Variants in VIPR1 observed in about 807,000 individuals in gnomAD.
VIPR1 encodes the protein vasoactive intestinal peptide receptor 1.
VIPR1 carries 59 observed loss-of-function variants against 58.8 expected under a neutral mutation model. The observed-to-expected ratio is 1.00, with a 90% CI of 0.81 to 1.25. The LOEUF is 1.25. Ranked by LOEUF, VIPR1 falls within the 50% of genes most tolerant of loss-of-function variation. The probability of loss-of-function intolerance (pLI) is 0.00; values close to 1 mark genes in which losing one functional copy is unlikely to be tolerated. For missense variants in VIPR1, 626 were observed against 602.7 expected (o/e 1.04, Z -0.40); for synonymous variants, 251 against 242.1 (o/e 1.04, Z -0.34).
intron 2 of VIPR1, 91 bp downstream of exon 2, chr3:42,513,945 C>A: frequency 7.2e-7 from 1 of 1,390,992 alleles, no homozygotes; most frequent in Non-Finnish European, 9.9e-7. Context: ...CACGTTCGTT[C>A]CACATTTATT....
At chr3:42,532,674 A>G in intron 10 of VIPR1, 1 of 387,756 alleles carries the variant, frequency 2.6e-6, no homozygotes, top group South Asian at 3.3e-5. Context: ...TGTGCCTCAC[A>G]TGGAAAAAGG....
chr3:42,495,812 G>T (rs1699748139), intron 1 of VIPR1, among the ~76,000 whole-genome samples: 1 of 151,966 alleles, frequency 6.6e-6, no homozygotes, highest in Admixed American at 6.6e-5. Context: ...TCTTATAGCT[G>T]CAAAAAATTG....
In VIPR1 at chr3:42,536,882, C is replaced by T. The variant is rs1437163054; in HGVS notation, c.*601C>T. On this transcript the variant is annotated 3_prime_UTR_variant, in exon 13 of 13. Coordinates refer to ENST00000325123, the MANE Select transcript of VIPR1 (RefSeq NM_004624.4). Reference sequence around the variant, plus strand: ...CTGGAGTTTTTGTTTGGAGAGCACACCTATCTTAGTGGTTCCCCACCGAAG... The same window carrying T: ...CTGGAGTTTTTGTTTGGAGAGCACATCTATCTTAGTGGTTCCCCACCGAAG... 2.6e-5 allele frequency: 4 copies of T among 152,232 alleles called. No individual in the cohort carries two copies. Among genetic ancestry groups the T allele is most frequent in the Non-Finnish European group, 4.4e-5 (3 of 68,070 alleles). The allele number at this position is 152,232 out of a possible 1,614,324, so 9.4% of individuals were successfully genotyped here.
At chr3:42,496,380 G>A (rs1017605401) in intron 1 of VIPR1, among the ~76,000 whole-genome samples, 1 of 152,124 alleles carries the variant, frequency 6.6e-6, no homozygotes, top group Non-Finnish European at 1.5e-5. Flanking sequence ...AGTATTGTTT[G>A]CAGATAGTAT....
intron 1 of VIPR1, chr3:42,512,958 C>T (rs1321565555): frequency 2.0e-6 from 2 of 985,404 alleles, no homozygotes; most frequent in East Asian, 1.1e-4. Context: ...AGGTCAGTGA[C>T]CCCAGTCACA....
At chr3:42,514,642 C>T (rs1182376329) in intron 2 of VIPR1, among the ~76,000 whole-genome samples, 3 of 151,900 alleles carry the variant, frequency 2.0e-5, no homozygotes, top group African/African-American at 7.3e-5. Flanking sequence ...CCCAACCCAC[C>T]CTTAGTGGCC....
chr3:42,523,432 C>G (rs1701060257), intron 3 of VIPR1, among the ~76,000 whole-genome samples: 2 of 152,168 alleles, frequency 1.3e-5, no homozygotes, highest in African/African-American at 4.8e-5. Context: ...CCAGAAAGAT[C>G]TGGAGTCAGG....
upstream of VIPR1, among the ~76,000 whole-genome samples, chr3:42,500,974 C>CTCTG (rs1434328237): frequency 5.3e-5 from 8 of 152,166 alleles, no homozygotes; most frequent in Non-Finnish European, 1.0e-4. Context: ...GCCCATCCAC[C>CTCTG]TCTGTGCCCC....
In VIPR1 at chr3:42,536,422, G is replaced by A; in HGVS notation, c.*141G>A. ...GCTGCCCCCGGCCCCCTGGTCTCTG[G>A]TCCGGACACTCCTAGAGAACGCAGC... On this transcript the variant is annotated 3_prime_UTR_variant, in exon 13 of 13. Transcript: ENST00000325123. The A allele has an allele frequency of 1.1e-6, 1 of 900,574 alleles. No individual in the cohort carries two copies. The highest frequency in any genetic ancestry group is 1.6e-6 in the Non-Finnish European group (1 of 624,068). The allele number at this position is 900,574 out of a possible 1,614,324, so 55.8% of individuals were successfully genotyped here.
chr3:42,498,356 T>A (rs1699806267), upstream of VIPR1, among the ~76,000 whole-genome samples: 1 of 152,238 alleles, frequency 6.6e-6, no homozygotes, highest in East Asian at 1.9e-4. Flanking sequence ...GAACTCGTTA[T>A]CAAATTGGCA....
At chr3:42,505,085 G>T (rs1275029420) in intron 1 of VIPR1, among the ~76,000 whole-genome samples, 1 of 152,042 alleles carries the variant, frequency 6.6e-6, no homozygotes, top group African/African-American at 2.4e-5. Context: ...GGGGAGGAGG[G>T]TCACAGGCCT....
At chr3:42,492,843 G>C (rs1012542853) in intron 1 of VIPR1, among the ~76,000 whole-genome samples, 1 of 152,166 alleles carries the variant, frequency 6.6e-6, no homozygotes, top group Non-Finnish European at 1.5e-5. Context: ...AGGAGGCTGC[G>C]CCCTGGACAC....
rs62248805 is a variant in VIPR1 at position 42,518,530 on chromosome 3, G to C, written c.185-693G>C. 8.3e-3 allele frequency among the ~76,000 whole-genome samples: 1,259 copies of C among 152,282 alleles called. 9 individuals are homozygous for C. Among genetic ancestry groups the C allele is most frequent in the Non-Finnish European group, 0.014 (939 of 68,026 alleles). On this transcript the variant is annotated intron_variant, in intron 2 of 12. Coordinates refer to ENST00000325123, the MANE Select transcript of VIPR1 (RefSeq NM_004624.4). ...AAGGTGGGAGGATCACTTGAGGTCA[G>C]GAGTTCGAGATCAGCCTGGCCAACA...
At chr3:42,490,678 A>G (rs913377641) in intron 1 of VIPR1, among the ~76,000 whole-genome samples, 3 of 152,176 alleles carry the variant, frequency 2.0e-5, no homozygotes, top group Admixed American at 6.5e-5. Flanking sequence ...TTGGAAGGTG[A>G]TAAGTGTTAT....
upstream of VIPR1, chr3:42,501,933 G>C (rs376503918): frequency 1.3e-5 from 2 of 152,312 alleles, no homozygotes; most frequent in African/African-American, 4.8e-5. The surrounding 1 kb of genome is among the most constrained non-coding windows in gnomAD (Gnocchi z 4.8). Flanking sequence ...CCTGGAGCAG[G>C]TCTCCCGAGG....
At chr3:42,528,396 A>C in intron 6 of VIPR1, 1 of 477,714 alleles carries the variant, frequency 2.1e-6, no homozygotes. Flanking sequence ...GGGACACTTC[A>C]TGGCCACAGC....
At chr3:42,510,847 G>A (rs1388701653) in intron 1 of VIPR1, among the ~76,000 whole-genome samples, 2 of 152,202 alleles carry the variant, frequency 1.3e-5, no homozygotes, top group East Asian at 3.9e-4. Context: ...TGCTGCTGAG[G>A]GGGCAGAGTT....
chr3:42,527,693 C>G (rs769105257), intron 5 of VIPR1, 197 bp downstream of exon 5: 4 of 648,090 alleles, frequency 6.2e-6, no homozygotes, highest in Non-Finnish European at 1.1e-5. Context: ...GCAGCCTAGT[C>G]TCCCCTAGGA....
intron 4 of VIPR1, 120 bp downstream of exon 4, chr3:42,526,113 G>A (rs1305116897): frequency 1.0e-6 from 1 of 967,040 alleles, no homozygotes; most frequent in Non-Finnish European, 1.5e-6. Context: ...CCTGGAGTCT[G>A]CCCTCCTCTA....
Sources: gnomAD v4.1 joint callset for allele counts (sites outside exome capture counted in the v4.1 genomes callset) on GRCh38, gnomAD v4.1.1 for gene constraint, Gnocchi (gnomAD v3.1) non-coding constraint, MANE v1.5 for transcripts, NCBI Gene and HGNC (gene_info 2026-07-23, HGNC 2026-07-21) for gene names.